Variants in FBXL7 observed in about 807,000 individuals in gnomAD.
The protein encoded by FBXL7 is F-box/LRR-repeat protein 7.
Under a neutral mutation model 38.3 loss-of-function variants are expected in FBXL7, and 12 were observed. That is an observed-to-expected ratio of 0.31 (90% CI 0.20 to 0.51). The LOEUF is 0.51. FBXL7 is among the 20% of genes least tolerant of loss of function. The pLI is 0.98. For missense variants in FBXL7, 567 were observed against 676.4 expected (o/e 0.84, Z 1.79); for synonymous variants, 297 against 300.9 (o/e 0.99, Z 0.13).
intron 2 of FBXL7, among the ~76,000 whole-genome samples, chr5:15,629,474 T>G (rs1430207162): frequency 6.6e-6 from 1 of 152,184 alleles, no homozygotes; most frequent in Non-Finnish European, 1.5e-5. Flanking sequence ...ATTATGAAGC[T>G]TCATTGGCTG....
At chr5:15,555,240 A>G (rs1738196522) in intron 1 of FBXL7, among the ~76,000 whole-genome samples, 2 of 152,190 alleles carry the variant, frequency 1.3e-5, no homozygotes, top group Admixed American at 1.3e-4. Context: ...CAGAACATCC[A>G]GTTAAAGGAA....
intron 2 of FBXL7, among the ~76,000 whole-genome samples, chr5:15,722,522 A>AG (rs1343469082): frequency 2.6e-5 from 4 of 152,158 alleles, no homozygotes; most frequent in Non-Finnish European, 5.9e-5. Flanking sequence ...CCTGAGATCT[A>AG]AGTGTGGGTT....
At chr5:15,587,089 C>G (rs144486409) in intron 1 of FBXL7, among the ~76,000 whole-genome samples, 1 of 152,326 alleles carries the variant, frequency 6.6e-6, no homozygotes, top group East Asian at 1.9e-4. Context: ...CTTCATCTTT[C>G]ATAACTAAAA....
At chr5:15,917,694 GAAGAAAGA>G (rs1206975168) in intron 2 of FBXL7, among the ~76,000 whole-genome samples, 62 of 140,474 alleles carry the variant, frequency 4.4e-4, no homozygotes, top group African/African-American at 1.5e-3. Flanking sequence ...AGGAAGGAAG[GAAGAAAGA>G]AAGGAAGGAA....
intron 2 of FBXL7, among the ~76,000 whole-genome samples, chr5:15,624,994 T>TC (rs900905238): frequency 5.3e-5 from 8 of 152,084 alleles, no homozygotes; most frequent in African/African-American, 1.7e-4. Flanking sequence ...TCCTGCTTTT[T>TC]CCCATGAGTT....
intron 2 of FBXL7, among the ~76,000 whole-genome samples, chr5:15,766,703 A>G (rs1020384182): frequency 6.6e-6 from 1 of 152,254 alleles, no homozygotes; most frequent in African/African-American, 2.4e-5. Context: ...CCAAATAGAA[A>G]GAGTAATTCA....
At chr5:15,757,397 C>G (rs1579438165) in intron 2 of FBXL7, among the ~76,000 whole-genome samples, 1 of 152,120 alleles carries the variant, frequency 6.6e-6, no homozygotes, top group African/African-American at 2.4e-5. Context: ...GCTTTGAATT[C>G]TTGTTCTACT....
At chr5:15,616,602 G>A (rs1740463960) in intron 2 of FBXL7, among the ~76,000 whole-genome samples, 1 of 152,110 alleles carries the variant, frequency 6.6e-6, no homozygotes, top group Admixed American at 6.6e-5. Context: ...GACAAAGATT[G>A]GTCGCAGTGA....
intron 2 of FBXL7, among the ~76,000 whole-genome samples, chr5:15,630,447 G>C (rs997761102): frequency 3.3e-5 from 5 of 151,440 alleles, no homozygotes; most frequent in African/African-American, 9.7e-5. Flanking sequence ...ACAAAATATG[G>C]CTGAATTGGT....
In FBXL7 at chr5:15,500,250, C is replaced by T. The variant is rs1375905644; in HGVS notation, c.-427C>T. The T allele has an allele frequency of 1.3e-5, 2 of 151,896 alleles. No homozygotes were observed. The highest frequency in any genetic ancestry group is 3.9e-4 in the East Asian group (2 of 5,114). 9.4% of individuals were successfully genotyped at this position (151,896 alleles called of 1,614,324 possible). A position where few individuals can be genotyped will look rare whatever the true frequency, so the allele number is the denominator to read the frequency against. ...GCCGCCGCGCCCTCCCCGGGGAAGC[C>T]GCGGGCGCGCAGGGGCAGCCGAAGG... is the stretch of plus-strand genomic sequence containing the variant. On this transcript the variant is annotated 5_prime_UTR_variant, in exon 1 of 4. Coordinates refer to ENST00000504595, the MANE Select transcript of FBXL7 (RefSeq NM_012304.5).
intron 1 of FBXL7, among the ~76,000 whole-genome samples, chr5:15,564,019 G>A (rs751441345): frequency 7.9e-5 from 12 of 151,972 alleles, no homozygotes; most frequent in Non-Finnish European, 1.2e-4. Flanking sequence ...CCCTTTTATC[G>A]TTGGAAACCA....
At position 15,939,471 on chromosome 5, in the gene FBXL7, C is replaced by A. The variant is rs1742286466; in HGVS notation, c.*2285C>A. The A allele has an allele frequency of 6.4e-6, 1 of 156,932 alleles. No homozygotes were observed. Among genetic ancestry groups the A allele is most frequent in the South Asian group, 2.0e-4 (1 of 4,882 alleles). The allele number at this position is 156,932 out of a possible 1,614,324, so 9.7% of individuals were successfully genotyped here. On this transcript the variant is annotated 3_prime_UTR_variant, in exon 4 of 4. Coordinates refer to ENST00000504595, the MANE Select transcript of FBXL7 (RefSeq NM_012304.5). ...CAAACATGAGACAAAGCTGACTGTT[C>A]ACACTGATTGCCCAGCACATACCGT...
At chr5:15,933,799 T>C (rs1479787595) in intron 3 of FBXL7, among the ~76,000 whole-genome samples, 1 of 152,130 alleles carries the variant, frequency 6.6e-6, no homozygotes, top group Admixed American at 6.5e-5. Flanking sequence ...GTGAGGCTGC[T>C]GGGAAGCCTT....
intron 1 of FBXL7, among the ~76,000 whole-genome samples, chr5:15,610,384 T>C (rs540166570): frequency 1.3e-5 from 2 of 152,324 alleles, no homozygotes; most frequent in African/African-American, 2.4e-5. Context: ...CTCCCTCTTA[T>C]CTGGACTTTC....
intron 2 of FBXL7, among the ~76,000 whole-genome samples, chr5:15,709,964 C>T (rs906228336): frequency 2.0e-4 from 31 of 152,158 alleles, no homozygotes; most frequent in Non-Finnish European, 1.2e-4. Context: ...CTAAAGCCTC[C>T]ACCTATTAAA....
chr5:15,654,882 A>C (rs1741824725), intron 2 of FBXL7, among the ~76,000 whole-genome samples: 1 of 152,224 alleles, frequency 6.6e-6, no homozygotes, highest in African/African-American at 2.4e-5. Context: ...TTCTGATTAT[A>C]AGTCTCTATA....
chr5:15,912,257 C>G (rs1378376614), intron 2 of FBXL7, among the ~76,000 whole-genome samples: 4 of 92,616 alleles, frequency 4.3e-5, no homozygotes, highest in African/African-American at 2.0e-4. Flanking sequence ...GTCTGAAAAG[C>G]GCAATATTCG....
intron 2 of FBXL7, among the ~76,000 whole-genome samples, chr5:15,713,137 G>GATGTAC (rs967134747): frequency 6.6e-6 from 1 of 152,170 alleles, no homozygotes; most frequent in Non-Finnish European, 1.5e-5. Context: ...AGGTTTAAGG[G>GATGTAC]ATGTACAGTT....
intron 1 of FBXL7, among the ~76,000 whole-genome samples, chr5:15,514,500 A>C: frequency 6.6e-6 from 1 of 152,228 alleles, no homozygotes; most frequent in East Asian, 1.9e-4. Context: ...AGATGACCTC[A>C]GAGCACCTTC....
Sources: gnomAD v4.1 joint callset for allele counts (sites outside exome capture counted in the v4.1 genomes callset) on GRCh38, gnomAD v4.1.1 for gene constraint, MANE v1.5 for transcripts, NCBI Gene and HGNC (gene_info 2026-07-23, HGNC 2026-07-21) for gene names.